LAMB4: variants seen among roughly 807,000 people sequenced by gnomAD.
The protein encoded by LAMB4 is laminin subunit beta-4.
LAMB4 carries 196 observed loss-of-function variants against 199.2 expected under a neutral mutation model. The observed-to-expected ratio is 0.98, with a 90% CI of 0.88 to 1.11. LAMB4 has a LOEUF of 1.11. Ranked by LOEUF, LAMB4 falls within the 50% of genes least tolerant of loss-of-function variation. The pLI is 0.00. For missense variants in LAMB4, 2,080 were observed against 2,171.2 expected (o/e 0.96, Z 0.83); for synonymous variants, 744 against 770.6 (o/e 0.97, Z 0.57).
At chr7:108,123,855 A>C (rs1027816681) in intron 1 of LAMB4, among the ~76,000 whole-genome samples, 2 of 152,200 alleles carry the variant, frequency 1.3e-5, no homozygotes, top group Non-Finnish European at 2.9e-5. Context: ...TCTCCTATAA[A>C]GCAAACTTGT....
intron 33 of LAMB4, among the ~76,000 whole-genome samples, chr7:108,026,109 C>T (rs949799289): frequency 5.9e-5 from 9 of 152,156 alleles, no homozygotes; most frequent in Admixed American, 5.2e-4. Context: ...GGTAACGTTC[C>T]TGCTTCCCTG....
chr7:108,097,397 G>A lies in LAMB4; in HGVS notation c.1360+1006C>T, dbSNP rs558859817. ...GGTGTTTTTCTATTTCCGCTCCCCCGCTTCCCTGAGCTCTTTAATTATTTT... is the reference window on the plus strand; with the variant it reads ...GGTGTTTTTCTATTTCCGCTCCCCCACTTCCCTGAGCTCTTTAATTATTTT... On this transcript the variant is annotated intron_variant, in intron 11 of 33. Transcript: ENST00000388781. Among the ~76,000 whole-genome samples, 7 of 152,248 alleles carry A rather than the reference G, an allele frequency of 4.6e-5. No individual in the cohort carries two copies. The East Asian group carries it at 1.2e-3, about 25-fold the overall frequency.
chr7:108,011,777 T>C, the LAMB4 span, among the ~76,000 whole-genome samples: 3 of 152,164 alleles, frequency 2.0e-5, no homozygotes, highest in African/African-American at 7.2e-5. Flanking sequence ...CACTGCTGTA[T>C]ACTAATCATT....
intron 27 of LAMB4, 47 bp downstream of exon 27, chr7:108,049,279 C>A: frequency 2.1e-6 from 2 of 968,732 alleles, no homozygotes; most frequent in Non-Finnish European, 1.6e-6. Context: ...GTTCATATAC[C>A]AAGTAAAAAC....
In LAMB4 at chr7:108,091,690, G is replaced by A; in HGVS notation, c.1637C>T (p.Ala546Val). 1 of 1,614,172 alleles carries A rather than the reference G, an allele frequency of 6.2e-7. No homozygotes were observed. Among genetic ancestry groups the A allele is most frequent in the Non-Finnish European group, 8.5e-7 (1 of 1,180,026 alleles). Residue 546 changes from alanine to valine, a missense_variant, in exon 14 of 34, where the codon GCT (alanine) becomes GTT (valine). Coordinates refer to ENST00000388781, the MANE Select transcript of LAMB4 (RefSeq NM_007356.3). The part of the protein sequence containing the change: ...CSEPAPGYFF[A>V]PLNFYLYEAE... Reference sequence around the variant, plus strand: ...CTCGTAGAGATAGAAATTCAAAGGAGCAAAGAAGTAGCCAGGGGCTGGTTC... The same window carrying A: ...CTCGTAGAGATAGAAATTCAAAGGAACAAAGAAGTAGCCAGGGGCTGGTTC...
chr7:108,106,903 C>G (rs1303356275), intron 6 of LAMB4, among the ~76,000 whole-genome samples: 4 of 152,140 alleles, frequency 2.6e-5, no homozygotes, highest in African/African-American at 9.7e-5. Flanking sequence ...CCTGATCTTA[C>G]AAGAAGGCTG....
rs1396005935 is a variant in LAMB4 at position 108,037,735 on chromosome 7, C to T, written c.4472-140G>A. On this transcript the variant is annotated intron_variant, in intron 29 of 33. Coordinates refer to ENST00000388781, the MANE Select transcript of LAMB4 (RefSeq NM_007356.3). ...CTAGAATACAGGGATTAGATTGTAG[C>T]TTCCTATAGATTCTTCTTCATCCTC... The T allele has an allele frequency of 1.4e-5, 9 of 644,584 alleles. No homozygotes were observed. In the Admixed American group the frequency reaches 2.5e-4, roughly 18 times the overall value. The allele number at this position is 644,584 out of a possible 1,614,324, so 39.9% of individuals were successfully genotyped here. A position where few individuals can be genotyped will look rare whatever the true frequency, so the allele number is the denominator to read the frequency against.
rs199719988 is a variant in LAMB4, at chr7:108,106,513, G to A, written c.651C>T (p.Ile217=). ...AAAATATAAAGGAATTCATACCTTG[G>A]ATGTAGGGGCTATAAGGGTTTTCAA... is the stretch of plus-strand genomic sequence containing the variant. ...FEIENPYSPY[I]QDLVTLTNLR... The change falls in exon 7 of 34, where the codon ATC becomes ATT. Residue 217 remains isoleucine, a synonymous_variant. Transcript: ENST00000388781. The A allele has an allele frequency of 1.3e-6, 2 of 1,564,358 alleles. No individual in the cohort carries two copies. Among genetic ancestry groups the A allele is most frequent in the East Asian group, 4.5e-5 (2 of 44,644 alleles).
At chr7:108,091,800 G>C in intron 13 of LAMB4, 24 bp from the exon 14 acceptor site, 1 of 1,610,510 alleles carries the variant, frequency 6.2e-7, no homozygotes. Context: ...AATTCATCAT[G>C]AAAAAATGCA....
downstream of LAMB4, among the ~76,000 whole-genome samples, chr7:108,021,709 C>CA (rs1189643359): frequency 3.0e-4 from 42 of 139,676 alleles, no homozygotes; most frequent in South Asian, 3.9e-3. Flanking sequence ...AACTTTGTCT[C>CA]AAAAAAAAAA....
intron 4 of LAMB4, 64 bp downstream of exon 4, chr7:108,111,747 A>C: frequency 7.1e-7 from 1 of 1,416,494 alleles, no homozygotes; most frequent in Non-Finnish European, 9.9e-7. Flanking sequence ...AAACCATACA[A>C]GGAAGAGGAT....
At chr7:108,027,224 G>A (rs571803042) in intron 33 of LAMB4, among the ~76,000 whole-genome samples, 3 of 152,016 alleles carry the variant, frequency 2.0e-5, no homozygotes, top group African/African-American at 7.2e-5. Context: ...AGTTCAGCAC[G>A]GAGGTGTTGA....
intron 23 of LAMB4, among the ~76,000 whole-genome samples, chr7:108,061,641 A>G (rs540798294): frequency 5.7e-4 from 86 of 151,668 alleles, no homozygotes; most frequent in African/African-American, 2.0e-3. Flanking sequence ...CAGGAGGCTG[A>G]CGCAGGAGAA....
chr7:108,056,642 T>C (rs1227443611), intron 24 of LAMB4, among the ~76,000 whole-genome samples: 1 of 152,136 alleles, frequency 6.6e-6, no homozygotes, highest in Non-Finnish European at 1.5e-5. Flanking sequence ...CTAGCCTATG[T>C]TTTTGGACCA....
At chr7:108,067,968 T>C (rs1355333111) in intron 19 of LAMB4, 48 bp downstream of exon 19, 1 of 1,612,614 alleles carries the variant, frequency 6.2e-7, no homozygotes, top group Non-Finnish European at 8.5e-7. Flanking sequence ...GCTGTCAAAA[T>C]GTCAAGACTG....
At chr7:108,096,792 A>G (rs999510866) in intron 11 of LAMB4, among the ~76,000 whole-genome samples, 14 of 150,294 alleles carry the variant, frequency 9.3e-5, no homozygotes, top group Non-Finnish European at 1.6e-4. Flanking sequence ...AAAAAATTAG[A>G]TGGCTGTGGT....
chr7:108,127,149 CTT>C (rs906931021), intron 1 of LAMB4, among the ~76,000 whole-genome samples: 1 of 150,488 alleles, frequency 6.6e-6, no homozygotes, highest in Admixed American at 6.6e-5. Flanking sequence ...GCTTTCCAAA[CTT>C]TACTGCACAT....
rs764958049 is a variant in LAMB4, at chr7:108,065,914, A to G, written c.2684T>C (p.Ile895Thr). 3.7e-6 allele frequency: 6 copies of G among 1,612,564 alleles called. No individual in the cohort carries two copies. Among genetic ancestry groups the G allele is most frequent in the Non-Finnish European group, 4.2e-6 (5 of 1,179,564 alleles). Reference protein sequence around the residue: ...FTTGRNCERCIDGYYGNPSSG... With the variant: ...FTTGRNCERCTDGYYGNPSSG... Reference sequence around the variant, plus strand: ...AGAAGGATTTCCATAGTAACCATCAATACACCTGTCAAGACAATTTCCTTT... The same window carrying G: ...AGAAGGATTTCCATAGTAACCATCAGTACACCTGTCAAGACAATTTCCTTT... Residue 895 changes from isoleucine (I) to threonine (T), a missense_variant, in exon 21 of 34, where the codon ATT (isoleucine) becomes ACT (threonine). By Grantham distance (89) the Ile-to-Thr change is moderately conservative. Coordinates refer to ENST00000388781, the MANE Select transcript of LAMB4 (RefSeq NM_007356.3).
intron 2 of LAMB4, among the ~76,000 whole-genome samples, chr7:108,119,949 A>G (rs2038541706): frequency 1.3e-5 from 2 of 152,200 alleles, no homozygotes; most frequent in African/African-American, 4.8e-5. Flanking sequence ...CAAAATAAAA[A>G]GTAAAAGAGA....
Sources: gnomAD v4.1 joint callset for allele counts (sites outside exome capture counted in the v4.1 genomes callset) on GRCh38, gnomAD v4.1.1 for gene constraint, MANE v1.5 for transcripts, NCBI Gene and HGNC (gene_info 2026-07-23, HGNC 2026-07-21) for gene names.